COL8A1: variants seen among roughly 807,000 people sequenced by gnomAD.
COL8A1 encodes collagen type VIII alpha 1 chain.
Under a neutral mutation model 42.7 loss-of-function variants are expected in COL8A1, and 21 were observed. The observed-to-expected ratio is 0.49, with a 90% CI of 0.35 to 0.71. The LOEUF is 0.71. Ranked by LOEUF, COL8A1 falls within the 30% of genes least tolerant of loss-of-function variation. The probability of loss-of-function intolerance (pLI) is 0.01; values close to 1 mark genes in which losing one functional copy is unlikely to be tolerated. For synonymous variants in COL8A1, 367 were observed against 369.1 expected, an observed-to-expected ratio of 0.99 and a Z score of 0.06; for missense variants, 788 against 962.4, an observed-to-expected ratio of 0.82 and a Z score of 2.40.
Position 99,797,911 on chromosome 3 carries a change from T to C in COL8A1, c.*1775T>C, listed in dbSNP as rs941904478. 1 of 152,210 alleles carries C rather than the reference T, an allele frequency of 6.6e-6. No individual in the cohort carries two copies. The highest frequency in any genetic ancestry group is 2.4e-5 in the African/African-American group (1 of 41,446). 9.4% of individuals were successfully genotyped at this position (152,210 alleles called of 1,614,324 possible). ...ACTAACTGCTTTGGGCATTCTAATC[T>C]GGTCTCCAAACACCAAAGACCCATT... On this transcript the variant is annotated 3_prime_UTR_variant, in exon 4 of 4. Transcript: ENST00000652472.
At chr3:99,652,599 A>AAAAAGAAAGTGCAGC (rs1937881582) in intron 1 of COL8A1, among the ~76,000 whole-genome samples, 1 of 152,208 alleles carries the variant, frequency 6.6e-6, no homozygotes, top group Admixed American at 6.5e-5. Flanking sequence ...TGGTAGCAGA[A>AAAAAGAAAGTGCAGC]AAAAGAAAGT....
intron 2 of COL8A1, among the ~76,000 whole-genome samples, chr3:99,777,618 G>A (rs1220805203): frequency 2.0e-5 from 3 of 151,956 alleles, no homozygotes; most frequent in Admixed American, 2.0e-4. Context: ...CTTTCCAATG[G>A]GAAAAAAAAT....
At chr3:99,734,946 CTGTT>C (rs1054508661) in intron 1 of COL8A1, among the ~76,000 whole-genome samples, 14,911 of 151,890 alleles carry the variant, frequency 0.098, 845 homozygotes, top group African/African-American at 0.16. Flanking sequence ...ATTTGGTTCT[CTGTT>C]TGTCTGCTGT....
At chr3:99,684,908 C>T (rs1230375848) in intron 1 of COL8A1, among the ~76,000 whole-genome samples, 5 of 152,100 alleles carry the variant, frequency 3.3e-5, no homozygotes, top group Non-Finnish European at 5.9e-5. Flanking sequence ...TATTTGCTGG[C>T]GTAATTGCAG....
chr3:99,701,747 C>T (rs1559783383), intron 1 of COL8A1, among the ~76,000 whole-genome samples: 1 of 152,164 alleles, frequency 6.6e-6, no homozygotes, highest in East Asian at 1.9e-4. Flanking sequence ...GGAAGATCAT[C>T]CTCCATGCAT....
At chr3:99,658,337 T>C (rs1364210240) in intron 1 of COL8A1, among the ~76,000 whole-genome samples, 1 of 152,126 alleles carries the variant, frequency 6.6e-6, no homozygotes, top group African/African-American at 2.4e-5. Context: ...TTATTTACAA[T>C]GTTTTGTTCT....
intron 1 of COL8A1, among the ~76,000 whole-genome samples, chr3:99,729,647 G>A (rs557673773): frequency 6.6e-6 from 1 of 152,012 alleles, no homozygotes; most frequent in South Asian, 2.1e-4. Flanking sequence ...TTTAGAAATG[G>A]ATGTCATAAT....
At chr3:99,665,171 T>C (rs894395392) in intron 1 of COL8A1, among the ~76,000 whole-genome samples, 3 of 152,260 alleles carry the variant, frequency 2.0e-5, no homozygotes, top group Non-Finnish European at 4.4e-5. Context: ...CCTTCTTGCA[T>C]GTATTCTCAA....
rs141186968 is a variant in COL8A1 at position 99,719,740 on chromosome 3, T to C, written c.-128-25157T>C. On this transcript the variant is annotated intron_variant, in intron 1 of 3. Coordinates refer to ENST00000652472, the MANE Select transcript of COL8A1 (RefSeq NM_020351.4). ...GGTGACTTCATTTAAATGAATGTAGTTCTGTATAGATGAAGTGAGAGGTGA... is the reference window on the plus strand; with the variant it reads ...GGTGACTTCATTTAAATGAATGTAGCTCTGTATAGATGAAGTGAGAGGTGA... Among the ~76,000 whole-genome samples, 796 of 152,246 alleles carry C rather than the reference T, an allele frequency of 5.2e-3. 4 individuals carry two copies. The highest frequency in any genetic ancestry group is 9.7e-3 in the South Asian group (47 of 4,830).
chr3:99,653,401 T>TG (rs1937913707), intron 1 of COL8A1, among the ~76,000 whole-genome samples: 1 of 151,786 alleles, frequency 6.6e-6, no homozygotes, highest in Non-Finnish European at 1.5e-5. Flanking sequence ...TTGGTTTGGG[T>TG]GGGGGGTTGT....
intron 2 of COL8A1, among the ~76,000 whole-genome samples, chr3:99,783,184 G>T (rs1417483196): frequency 6.6e-6 from 1 of 152,152 alleles, no homozygotes; most frequent in African/African-American, 2.4e-5. Context: ...GGTTACTAGG[G>T]AATGTTGTAA....
rs1413723231 is a variant in COL8A1 at position 99,669,140 on chromosome 3, T to TAG, written c.-129+30477_-129+30478insGA. ...TAAAAAAATTATATATATATATATA[T>TAG]ATATATAGAGGGAGAGAGAGAGAGA... On this transcript the variant is annotated intron_variant, in intron 1 of 3. Coordinates refer to ENST00000652472, the MANE Select transcript of COL8A1 (RefSeq NM_020351.4). 9.1e-4 allele frequency among the ~76,000 whole-genome samples: 91 copies of TAG among 100,186 alleles called. 3 individuals carry two copies. The highest frequency in any genetic ancestry group is 3.3e-3 in the African/African-American group (90 of 27,168). 65.7% of individuals were successfully genotyped at this position (100,186 alleles called of 152,430 possible).
chr3:99,754,046 AC>A (rs1379937298), intron 2 of COL8A1, among the ~76,000 whole-genome samples: 1 of 152,256 alleles, frequency 6.6e-6, no homozygotes, highest in African/African-American at 2.4e-5. Context: ...GTTGTCAGTT[AC>A]AGATATGGGT....
intron 1 of COL8A1, among the ~76,000 whole-genome samples, chr3:99,734,414 C>A (rs1038595350): frequency 8.7e-5 from 13 of 149,208 alleles, no homozygotes; most frequent in Admixed American, 2.6e-4. Context: ...GGAATCCTTT[C>A]CCCATTGCTT....
At chr3:99,642,440 C>T (rs1253447576) in intron 1 of COL8A1, among the ~76,000 whole-genome samples, 3 of 152,186 alleles carry the variant, frequency 2.0e-5, no homozygotes, top group Admixed American at 6.5e-5. Context: ...CAAAACTGAT[C>T]ACAGAGTAAT....
chr3:99,734,475 T>C (rs1248698597), intron 1 of COL8A1, among the ~76,000 whole-genome samples: 2 of 151,712 alleles, frequency 1.3e-5, no homozygotes, highest in African/African-American at 4.9e-5. Flanking sequence ...TGTGGTATTA[T>C]TTCTGAGGGC....
intron 2 of COL8A1, among the ~76,000 whole-genome samples, chr3:99,747,250 T>C (rs1220723572): frequency 1.3e-5 from 2 of 152,212 alleles, no homozygotes; most frequent in Non-Finnish European, 2.9e-5. Flanking sequence ...TATATTTTCC[T>C]CAAGTTAAAT....
In COL8A1 at chr3:99,795,957, A is replaced by T. The variant is rs781323203; in HGVS notation, c.2056A>T (p.Met686Leu). 1.9e-6 allele frequency: 3 copies of T among 1,614,016 alleles called. No individual in the cohort carries two copies. The highest frequency in any genetic ancestry group is 4.5e-5 in the East Asian group (2 of 44,894). ...TCTATTCAAGAACAACGAGCCCGTG[A>T]TGTACACGTACGACGAGTACAAAAA... ...VALFKNNEPVMYTYDEYKKGF... is the reference protein window; with the variant it reads ...VALFKNNEPVLYTYDEYKKGF... Residue 686 changes from methionine to leucine, a missense_variant, in exon 4 of 4, where the codon ATG becomes TTG. By Grantham distance (15) the Met-to-Leu change is conservative (BLOSUM62 2). Around this residue, in one of 4 missense-constraint regions of COL8A1, gnomAD observed 212 missense variants for 210.9 expected, o/e 1.00. Coordinates refer to ENST00000652472, the MANE Select transcript of COL8A1 (RefSeq NM_020351.4).
chr3:99,782,779 T>A (rs1233668649), intron 2 of COL8A1, among the ~76,000 whole-genome samples: 1 of 152,210 alleles, frequency 6.6e-6, no homozygotes, highest in Non-Finnish European at 1.5e-5. Flanking sequence ...CTCAAAGTCA[T>A]ATAGCTAATG....
Sources: gnomAD v4.1 joint callset for allele counts (sites outside exome capture counted in the v4.1 genomes callset) on GRCh38, gnomAD v4.1.1 for gene constraint, gnomAD v4.1.1 regional missense constraint, MANE v1.5 for transcripts, NCBI Gene and HGNC (gene_info 2026-07-23, HGNC 2026-07-21) for gene names.